The following CALD1 variants were observed in gnomAD, a reference collection of about 807,000 sequenced individuals.
The protein encoded by CALD1 is caldesmon 1.
A neutral mutation model predicts 99.9 loss-of-function variants in CALD1; 33 were observed. That is an observed-to-expected ratio of 0.33 (90% CI 0.25 to 0.44). The LOEUF (loss-of-function observed/expected upper bound fraction) is 0.44, where lower values mean the gene tolerates loss of function less well. CALD1 is among the 20% of genes least tolerant of loss of function. The pLI is 1.00. For missense variants in CALD1, 861 were observed against 962.1 expected (o/e 0.89, Z 1.39); for synonymous variants, 310 against 325.0 (o/e 0.95, Z 0.50).
intron 4 of CALD1, among the ~76,000 whole-genome samples, chr7:134,930,175 C>CT (rs374466440): frequency 6.6e-6 from 1 of 152,122 alleles, no homozygotes; most frequent in African/African-American, 2.4e-5. Context: ...TATTTTCTCA[C>CT]TCGGGCCCTG....
upstream of CALD1, among the ~76,000 whole-genome samples, chr7:134,741,658 T>C (rs1325351765): frequency 1.3e-5 from 2 of 152,194 alleles, no homozygotes; most frequent in Non-Finnish European, 2.9e-5. Flanking sequence ...CCATGAGGTT[T>C]TGACACACCT....
At chr7:134,910,819 T>C (rs940129479) in intron 3 of CALD1, among the ~76,000 whole-genome samples, 7 of 152,208 alleles carry the variant, frequency 4.6e-5, no homozygotes, top group Non-Finnish European at 8.8e-5. Flanking sequence ...AAAATATCCA[T>C]TTTCCAGCTC....
At position 134,950,341 on chromosome 7, in the gene CALD1, C is replaced by T. The variant is rs1281973877; in HGVS notation, c.1795-33C>T. 1.9e-6 allele frequency: 3 copies of T among 1,611,446 alleles called. No homozygotes were observed. The South Asian group carries it at 3.3e-5, about 18-fold the overall frequency. ...CTTCCCTTTGGCTGTGAAGCTGGTA[C>T]TGATGCCTCGTTATTTGTTCTTTCT... On this transcript the variant is annotated intron_variant, in intron 8 of 14. Transcript: ENST00000361675.
chr7:134,963,508 C>A (rs112533088), intron 13 of CALD1, among the ~76,000 whole-genome samples: 8 of 152,262 alleles, frequency 5.3e-5, no homozygotes, highest in African/African-American at 1.2e-4. Flanking sequence ...GTTAGCTTTG[C>A]CTTCCTCCTG....
chr7:134,848,011 T>C (rs1305200242), intron 2 of CALD1, among the ~76,000 whole-genome samples: 1 of 152,056 alleles, frequency 6.6e-6, no homozygotes, highest in Non-Finnish European at 1.5e-5. Flanking sequence ...TGCTTTAGGA[T>C]GCCTAACAGG....
chr7:134,914,587 T>C (rs1804064883), intron 3 of CALD1, among the ~76,000 whole-genome samples: 1 of 152,222 alleles, frequency 6.6e-6, no homozygotes, highest in South Asian at 2.1e-4. Flanking sequence ...TCTTTCTGTA[T>C]GTACCAAGCA....
At chr7:134,962,015 C>T (rs1342237547) in intron 13 of CALD1, 1 of 152,092 alleles carries the variant, frequency 6.6e-6, no homozygotes, top group Non-Finnish European at 1.5e-5. Context: ...AGTCTATGGA[C>T]CTACTGAGTA....
the CALD1 span, among the ~76,000 whole-genome samples, chr7:134,721,329 C>CAA: frequency 0.13 from 16,408 of 123,420 alleles, 1,101 homozygotes; most frequent in Non-Finnish European, 0.18. Context: ...AAGTCATCTG[C>CAA]AAAAAAAAAA....
At chr7:134,853,881 G>T (rs1171584137) in intron 2 of CALD1, among the ~76,000 whole-genome samples, 2 of 59,584 alleles carry the variant, frequency 3.4e-5, no homozygotes, top group African/African-American at 6.7e-5. Context: ...CACCCCGACA[G>T]GTCCCAGTGT....
intron 3 of CALD1, among the ~76,000 whole-genome samples, chr7:134,927,183 A>C (rs1208697999): frequency 1.3e-5 from 2 of 152,130 alleles, no homozygotes; most frequent in African/African-American, 4.8e-5. Flanking sequence ...CAAAATAGCT[A>C]TTTCCTCTTG....
upstream of CALD1, among the ~76,000 whole-genome samples, chr7:134,776,697 C>T (rs1466196613): frequency 6.6e-6 from 1 of 152,118 alleles, no homozygotes. Flanking sequence ...GTTCTGCTGC[C>T]TTTTAAAACT....
At chr7:134,734,487 T>A in the CALD1 span, among the ~76,000 whole-genome samples, 3 of 152,020 alleles carry the variant, frequency 2.0e-5, no homozygotes, top group Non-Finnish European at 4.4e-5. Flanking sequence ...GAATAAGGAG[T>A]TCGTGCCACT....
At chr7:134,939,451 C>T (rs1806252316) in intron 6 of CALD1, among the ~76,000 whole-genome samples, 1 of 152,184 alleles carries the variant, frequency 6.6e-6, no homozygotes, top group East Asian at 1.9e-4. Context: ...GATTTACAGA[C>T]AAAGCTCTTG....
At chr7:134,810,585 C>G (rs1213491849) in intron 1 of CALD1, among the ~76,000 whole-genome samples, 1 of 152,088 alleles carries the variant, frequency 6.6e-6, no homozygotes, top group African/African-American at 2.4e-5. Context: ...AGGATCAAAC[C>G]ATTGACTTTA....
rs758199888 is a variant in CALD1 at position 134,928,851 on chromosome 7, G to A, written c.169G>A (p.Glu57Lys). 1.2e-6 allele frequency: 2 copies of A among 1,614,024 alleles called. No homozygotes were observed. Among genetic ancestry groups the A allele is most frequent in the Non-Finnish European group, 1.7e-6 (2 of 1,179,948 alleles). ...ACGGCTGCGGCAGAAGCAGGAGGAA[G>A]AATCCTTGGGACAGGTGACCGACCA... ...QERLRQKQEE[E>K]SLGQVTDQVE... The change falls in exon 4 of 15, where the codon GAA becomes AAA. Residue 57 changes from glutamate to lysine, a missense_variant. Around this residue, in one of 5 missense-constraint regions of CALD1, gnomAD observed 123 missense variants for 169.8 expected, o/e 0.72. Coordinates refer to ENST00000361675, the MANE Select transcript of CALD1 (RefSeq NM_033138.4).
At chr7:134,870,318 T>G (rs1801007463) in intron 3 of CALD1, among the ~76,000 whole-genome samples, 1 of 152,214 alleles carries the variant, frequency 6.6e-6, no homozygotes, top group South Asian at 2.1e-4. Flanking sequence ...TCAGCTTCTT[T>G]CCTTTCCACG....
intron 3 of CALD1, among the ~76,000 whole-genome samples, chr7:134,877,172 G>A (rs960212153): frequency 2.0e-5 from 3 of 152,170 alleles, no homozygotes; most frequent in Admixed American, 6.5e-5. Flanking sequence ...TAAGAAAGGC[G>A]CTCTCAGAAA....
intron 1 of CALD1, among the ~76,000 whole-genome samples, chr7:134,843,127 C>T (rs1799715927): frequency 6.6e-6 from 1 of 152,174 alleles, no homozygotes; most frequent in Non-Finnish European, 1.5e-5. Context: ...CTTTTCCTTC[C>T]TTACTACCTC....
At chr7:134,867,250 G>T (rs779236056) in intron 2 of CALD1, among the ~76,000 whole-genome samples, 1 of 151,980 alleles carries the variant, frequency 6.6e-6, no homozygotes, top group African/African-American at 2.4e-5. Context: ...TTTATTTCTC[G>T]CTTTCACTTT....
Sources: gnomAD v4.1 joint callset for allele counts (sites outside exome capture counted in the v4.1 genomes callset) on GRCh38, gnomAD v4.1.1 for gene constraint, gnomAD v4.1.1 regional missense constraint, MANE v1.5 for transcripts, NCBI Gene and HGNC (gene_info 2026-07-23, HGNC 2026-07-21) for gene names.